CDH2: variants seen among roughly 807,000 people sequenced by gnomAD.
CDH2 encodes the protein cadherin 2, also known as cadherin-2.
A neutral mutation model predicts 92.0 loss-of-function variants in CDH2; 17 were observed. The ratio of observed to expected loss-of-function variants is 0.18; its 90% confidence interval spans 0.13 to 0.28. CDH2 has a LOEUF of 0.28. CDH2 is among the 10% of genes least tolerant of loss of function. The pLI is 1.00. For synonymous variants in CDH2, 419 were observed against 415.9 expected (o/e 1.01, Z -0.09); for missense variants, 862 against 1,133.1 (o/e 0.76, Z 3.44).
At chr18:27,955,759 C>CTTTTTTTTTTTTTTT (rs1219088194) in intron 15 of CDH2, among the ~76,000 whole-genome samples, 7 of 25,936 alleles carry the variant, frequency 2.7e-4, no homozygotes, top group Non-Finnish European at 4.1e-4. Context: ...TTCTTTATTT[C>CTTTTTTTTTTTTTTT]TGTTTTTTTT....
At chr18:27,934,256 G>A (rs1908970122) in intron 6 of CDH2, among the ~76,000 whole-genome samples, 1 of 152,122 alleles carries the variant, frequency 6.6e-6, no homozygotes, top group Non-Finnish European at 1.5e-5. Flanking sequence ...TTATGCTGCT[G>A]TCTGTATCGA....
At chr18:28,061,692 A>C (rs2014405124) in intron 2 of CDH2, among the ~76,000 whole-genome samples, 1 of 152,186 alleles carries the variant, frequency 6.6e-6, no homozygotes, top group Admixed American at 6.6e-5. Context: ...TCAAAATTGG[A>C]TAATGTCTAA....
intron 14 of CDH2, among the ~76,000 whole-genome samples, chr18:27,979,713 C>T (rs2011975761): frequency 6.6e-6 from 1 of 152,054 alleles, no homozygotes; most frequent in South Asian, 2.1e-4. Context: ...GCACAGAGTG[C>T]CGACTGTTTG....
At chr18:28,076,223 T>G (rs1008756591) in intron 2 of CDH2, among the ~76,000 whole-genome samples, 4 of 152,268 alleles carry the variant, frequency 2.6e-5, no homozygotes, top group Admixed American at 1.3e-4. Context: ...CCAGACCAAT[T>G]ACTATTTTAT....
At chr18:28,141,723 T>C (rs745388973) in intron 2 of CDH2, among the ~76,000 whole-genome samples, 1 of 152,008 alleles carries the variant, frequency 6.6e-6, no homozygotes, top group South Asian at 2.1e-4. Context: ...ATGTTTTACC[T>C]CTACTGAAAG....
At chr18:28,002,880 T>A (rs1354721715) in intron 7 of CDH2, 117 bp downstream of exon 7, 1 of 950,840 alleles carries the variant, frequency 1.1e-6, no homozygotes, top group African/African-American at 1.6e-5. Flanking sequence ...ATGAAAACGA[T>A]TAGCATTTGA....
chr18:27,944,835 C>A (rs1290480524), intron 6 of CDH2, among the ~76,000 whole-genome samples: 3 of 151,424 alleles, frequency 2.0e-5, no homozygotes, highest in Admixed American at 2.0e-4. Context: ...ATGTCTTGAG[C>A]CCAAGAAGTT....
rs760591904 is a variant in CDH2, at chr18:27,983,065, A to G, written c.2228T>C (p.Val743Ala). 3 of 1,612,762 alleles carry G rather than the reference A, an allele frequency of 1.9e-6. No homozygotes were observed. Among genetic ancestry groups the G allele is most frequent in the Non-Finnish European group, 2.5e-6 (3 of 1,179,228 alleles). Residue 743 changes from valine to alanine, a missense_variant, in exon 14 of 16, where the codon GTG (valine) becomes GCG (alanine). Val to Ala is a moderately conservative substitution (Grantham distance 64). Transcript: ENST00000269141. Reference protein sequence around the residue: ...IILLILVLMFVVWMKRRDKER... With the variant: ...IILLILVLMFAVWMKRRDKER... ...TTTATCCCGGCGTTTCATCCATACC[A>G]CAAACATCAGCACAAGGACTAGGTA... is the stretch of plus-strand genomic sequence containing the variant.
At chr18:27,963,558 G>C in intron 14 of CDH2, 37 bp from the exon 15 acceptor site, 2 of 1,596,422 alleles carry the variant, frequency 1.3e-6, no homozygotes, top group Non-Finnish European at 1.7e-6. Flanking sequence ...ATGGGAGATG[G>C]GCACAAAGAT....
intron 1 of CDH2, among the ~76,000 whole-genome samples, chr18:28,175,699 C>T (rs763913425): frequency 6.6e-6 from 1 of 152,212 alleles, no homozygotes; most frequent in Non-Finnish European, 1.5e-5. Flanking sequence ...CACCACCTGT[C>T]TCCACCCCCG....
chr18:28,170,487 G>C (rs989056718), intron 1 of CDH2, among the ~76,000 whole-genome samples: 2 of 152,010 alleles, frequency 1.3e-5, no homozygotes, highest in African/African-American at 2.4e-5. Flanking sequence ...CTAAGATTAC[G>C]GGTGCCTACC....
chr18:28,036,222 T>G (rs577890398), intron 2 of CDH2, among the ~76,000 whole-genome samples: 1 of 152,182 alleles, frequency 6.6e-6, no homozygotes, highest in South Asian at 2.1e-4. Context: ...AAGACAAGAG[T>G]GAAATACAGC....
At chr18:27,986,299 TA>T in intron 11 of CDH2, among the ~76,000 whole-genome samples, 2 of 152,320 alleles carry the variant, frequency 1.3e-5, no homozygotes, top group African/African-American at 4.8e-5. Context: ...TGATATTTAC[TA>T]ACCAACCAAC....
At chr18:27,978,611 T>TGG (rs35742329) in intron 14 of CDH2, among the ~76,000 whole-genome samples, 22 of 146,720 alleles carry the variant, frequency 1.5e-4, no homozygotes, top group African/African-American at 5.1e-4. Context: ...TATATGTAGT[T>TGG]GGGGGGGGGG....
At chr18:28,121,957 GA>G (rs1439860602) in intron 2 of CDH2, among the ~76,000 whole-genome samples, 1 of 152,114 alleles carries the variant, frequency 6.6e-6, no homozygotes, top group African/African-American at 2.4e-5. Flanking sequence ...CTTCGGTAGA[GA>G]AAGAACTAAA....
chr18:27,978,324 G>A (rs1033702649), intron 14 of CDH2, among the ~76,000 whole-genome samples: 1 of 152,078 alleles, frequency 6.6e-6, no homozygotes, highest in Non-Finnish European at 1.5e-5. Context: ...TACAGTAATC[G>A]AAACAACATG....
At chr18:28,016,404 C>T (rs1202032279) in intron 2 of CDH2, among the ~76,000 whole-genome samples, 1 of 152,152 alleles carries the variant, frequency 6.6e-6, no homozygotes, top group African/African-American at 2.4e-5. Flanking sequence ...CTTAGAAGTA[C>T]ACACAGCCTA....
intron 1 of CDH2, among the ~76,000 whole-genome samples, chr18:28,159,614 G>A (rs990713769): frequency 2.0e-5 from 3 of 151,746 alleles, no homozygotes; most frequent in East Asian, 3.9e-4. Flanking sequence ...TTGGGCTTCT[G>A]GCAGTGGGAA....
At chr18:28,148,077 T>C (rs1272670017) in intron 1 of CDH2, among the ~76,000 whole-genome samples, 2 of 152,182 alleles carry the variant, frequency 1.3e-5, no homozygotes. Flanking sequence ...ACTGAAGAAC[T>C]ACCAAGTGGG....
Sources: allele counts gnomAD v4.1 joint callset (sites outside exome capture counted in the v4.1 genomes callset), GRCh38; gene constraint gnomAD v4.1.1; transcripts MANE v1.5; gene names NCBI Gene and HGNC (gene_info 2026-07-23, HGNC 2026-07-21).